Variants in FUS observed in about 807,000 individuals in gnomAD.
The protein encoded by FUS is FUS RNA binding protein.
Under a neutral mutation model 82.7 loss-of-function variants are expected in FUS, and 5 were observed. The ratio of observed to expected loss-of-function variants is 0.06; its 90% confidence interval spans 0.03 to 0.13. The LOEUF (loss-of-function observed/expected upper bound fraction) is 0.13. FUS is among the 10% of genes least tolerant of loss of function. FUS has a pLI of 1.00. For synonymous variants in FUS, 281 were observed against 247.4 expected (o/e 1.14, Z -1.27); for missense variants, 512 against 707.8 (o/e 0.72, Z 3.14).
At chr16:31,186,503 C>A in intron 6 of FUS, 1 of 485,818 alleles carries the variant, frequency 2.1e-6, no homozygotes, top group Non-Finnish European at 3.8e-6. Flanking sequence ...GAAAAAAAAA[C>A]ATCTGCTCCA....
chr16:31,183,531 T>G, intron 3 of FUS: 1 of 366,334 alleles, frequency 2.7e-6, no homozygotes. Flanking sequence ...CTAAGAAAGG[T>G]GGTTGTCCTG....
At chr16:31,187,070 T>TA (rs1480907477) in intron 7 of FUS, 1 of 595,286 alleles carries the variant, frequency 1.7e-6, no homozygotes, top group African/African-American at 1.9e-5. Flanking sequence ...CCCAGGTTAA[T>TA]AAGAGGGGTC....
Position 31,188,831 on chromosome 16 carries a change from A to C in FUS, c.833-292A>C, listed in dbSNP as rs2079310470. On this transcript the variant is annotated intron_variant, in intron 8 of 14. Coordinates refer to ENST00000254108, the MANE Select transcript of FUS (RefSeq NM_004960.4). The stretch of plus-strand genomic sequence containing the variant: ...CGGGGACCTTCAACTGAAAGTTGAT[A>C]AATACTGATGGACTTTTCTGTGTGG... 4.2e-5 allele frequency: 21 copies of C among 498,240 alleles called. No homozygotes were observed. In the South Asian group the frequency reaches 4.8e-4, roughly 11 times the overall value. 30.9% of individuals were successfully genotyped at this position (498,240 alleles called of 1,614,324 possible).
At chr16:31,180,413 CCTCGCGCGCGGGGCGGGAAGT>C (rs2058038002) in intron 1 of FUS, among the ~76,000 whole-genome samples, 186 bp downstream of exon 1, 1 of 152,188 alleles carries the variant, frequency 6.6e-6, no homozygotes, top group African/African-American at 2.4e-5. Flanking sequence ...CTCCTCTGGC[CCTCGCGCGCGGGGCGGGAAGT>C]CTTTTCTTTG....
intron 12 of FUS, 120 bp downstream of exon 12, chr16:31,190,518 G>A: frequency 6.7e-7 from 1 of 1,493,174 alleles, no homozygotes; most frequent in Non-Finnish European, 9.3e-7. Context: ...GTTGGGGTCA[G>A]ATTTAGCCAA....
At chr16:31,194,428 G>T, downstream of FUS, 1 of 508,496 alleles carries the variant, frequency 2.0e-6, no homozygotes, top group Non-Finnish European at 3.8e-6. Context: ...AGCTGGGACG[G>T]GACTACAGGC....
chr16:31,189,871 G>C (rs950126347), intron 10 of FUS, 77 bp downstream of exon 10: 4 of 1,610,838 alleles, frequency 2.5e-6, no homozygotes, highest in Non-Finnish European at 3.4e-6. Flanking sequence ...CATAGTTTGA[G>C]GGTTCTTTTG....
In FUS at chr16:31,185,064, G is replaced by C. The variant is rs565915110; in HGVS notation, c.649G>C (p.Gly217Arg). 1 of 1,610,854 alleles carries C rather than the reference G, an allele frequency of 6.2e-7. No homozygotes were observed. Among genetic ancestry groups the C allele is most frequent in the Non-Finnish European group, 8.5e-7 (1 of 1,178,542 alleles). Residue 217 changes from glycine (G) to arginine (R), a missense_variant, in exon 6 of 15, where the codon GGC (glycine) becomes CGC (arginine). Around this residue, in one of 6 missense-constraint regions of FUS, gnomAD observed 276 missense variants for 303.3 expected, o/e 0.91. Coordinates refer to ENST00000254108, the MANE Select transcript of FUS (RefSeq NM_004960.4). The stretch of plus-strand genomic sequence containing the variant: ...TGGACAGCAGGACCGTGGAGGCCGC[G>C]GCAGGGGTGGCAGTGGTGGCGGCGG... ...GYGQQDRGGR[G>R]RGGSGGGGGG...
chr16:31,188,661 T>G (rs970243447), intron 8 of FUS: 12 of 518,550 alleles, frequency 2.3e-5, no homozygotes, highest in African/African-American at 2.3e-4. Context: ...CAGCAGTGGT[T>G]CTTTCAAAAT....
chr16:31,188,230 A>G (rs1398023758), intron 7 of FUS, 95 bp from the exon 8 acceptor site: 5 of 1,320,256 alleles, frequency 3.8e-6, no homozygotes, highest in Non-Finnish European at 5.3e-6. Context: ...ATTTGGTGTT[A>G]ATTTTTTTCC....
intron 1 of FUS, 93 bp downstream of exon 1, chr16:31,180,320 CGT>C (rs2058036798): frequency 6.7e-6 from 10 of 1,501,940 alleles, no homozygotes; most frequent in Non-Finnish European, 9.0e-6. Flanking sequence ...GCGGCGATCC[CGT>C]GTGGGATTTT....
intron 6 of FUS, chr16:31,186,512 C>T (rs2079272433): frequency 4.0e-6 from 2 of 506,040 alleles, no homozygotes; most frequent in South Asian, 2.3e-5. Context: ...ACATCTGCTC[C>T]ATCGGAAGAA....
At chr16:31,193,739 C>T (rs1338159502), downstream of FUS, 5 of 531,276 alleles carry the variant, frequency 9.4e-6, no homozygotes, top group South Asian at 7.7e-5. Flanking sequence ...CTCAAGCCAA[C>T]CTCCCACCTC....
Position 31,184,146 on chromosome 16 carries a change from A to T in FUS, c.336-63A>T. 11 of 1,614,000 alleles carry T rather than the reference A, an allele frequency of 6.8e-6. No homozygotes were observed. In the South Asian group the frequency reaches 1.2e-4, roughly 18 times the overall value. ...GGGTACAGAGAATGGACTCCACTAA[A>T]AGTGAAAGGAAATTGGGGGCTATGC... On this transcript the variant is annotated intron_variant, in intron 4 of 14. Transcript: ENST00000254108.
intron 3 of FUS, 145 bp downstream of exon 3, chr16:31,182,809 C>G (rs1415685438): frequency 1.1e-6 from 1 of 950,108 alleles, no homozygotes; most frequent in South Asian, 1.4e-5. Flanking sequence ...ATCAGCCTAC[C>G]GGGTTCAAAC....
At chr16:31,193,549 A>G, downstream of FUS, 1 of 530,028 alleles carries the variant, frequency 1.9e-6, no homozygotes, top group Non-Finnish European at 3.7e-6. Context: ...TCCTTGTAAG[A>G]TATGATTACT....
chr16:31,190,907 G>A, intron 13 of FUS, 56 bp from the exon 14 acceptor site: 2 of 1,612,802 alleles, frequency 1.2e-6, no homozygotes, highest in South Asian at 2.2e-5. Flanking sequence ...TCAGCGGGGA[G>A]GCTCGGGGAA....
Position 31,180,170 on chromosome 16 carries a change from T to G in FUS, c.-45T>G, listed in dbSNP as rs777968096. ...TCCTCCAGGCGTCGGTACTCAGCGG[T>G]GTTGGAACTTCGTTGCTTGCTTGCC... On this transcript the variant is annotated 5_prime_UTR_variant, in exon 1 of 15. Coordinates refer to ENST00000254108, the MANE Select transcript of FUS (RefSeq NM_004960.4). The G allele has an allele frequency of 2.5e-6, 4 of 1,604,612 alleles. No homozygotes were observed. In the East Asian group the frequency reaches 6.7e-5, roughly 27 times the overall value.
At chr16:31,192,687 C>G, downstream of FUS, 1 of 481,054 alleles carries the variant, frequency 2.1e-6, no homozygotes, top group South Asian at 1.5e-5. Context: ...CAGGAGAATC[C>G]CAGCTTCTGA....
Sources: gnomAD v4.1 joint callset for allele counts (sites outside exome capture counted in the v4.1 genomes callset) on GRCh38, gnomAD v4.1.1 for gene constraint, gnomAD v4.1.1 regional missense constraint, MANE v1.5 for transcripts, NCBI Gene and HGNC (gene_info 2026-07-23, HGNC 2026-07-21) for gene names.